The following KCNB2 variants were observed in gnomAD, a reference collection of about 807,000 sequenced individuals.
KCNB2 encodes delayed rectifier potassium channel protein.
In KCNB2, 15 loss-of-function variants were observed where a neutral mutation model predicts 61.5. The ratio of observed to expected loss-of-function variants is 0.24; its 90% confidence interval spans 0.16 to 0.38. The LOEUF (loss-of-function observed/expected upper bound fraction) is 0.38. Among genes scored for constraint, KCNB2 ranks in the 10% least tolerant of loss-of-function variants. The probability of loss-of-function intolerance (pLI) is 1.00; values close to 1 mark genes in which losing one functional copy is unlikely to be tolerated. For synonymous variants in KCNB2, 457 were observed against 446.0 expected (o/e 1.02, Z -0.31); for missense variants, 828 against 1,125.2 (o/e 0.74, Z 3.78).
intron 2 of KCNB2, among the ~76,000 whole-genome samples, chr8:72,708,081 G>A (rs958811160): frequency 3.3e-5 from 5 of 152,142 alleles, no homozygotes; most frequent in Admixed American, 3.3e-4. Flanking sequence ...TGACACCATA[G>A]CCCACTGCAG....
intron 2 of KCNB2, among the ~76,000 whole-genome samples, chr8:72,586,567 A>G (rs1807003930): frequency 6.6e-6 from 1 of 152,226 alleles, no homozygotes; most frequent in Admixed American, 6.5e-5. Context: ...TGTCTGGGAA[A>G]CAGACAAGCA....
At chr8:72,579,454 A>G (rs1231589873) in intron 2 of KCNB2, among the ~76,000 whole-genome samples, 1 of 152,178 alleles carries the variant, frequency 6.6e-6, no homozygotes, top group Non-Finnish European at 1.5e-5. Flanking sequence ...TTTATCCTAA[A>G]GCATCGGAGG....
intron 2 of KCNB2, among the ~76,000 whole-genome samples, chr8:72,614,835 C>T (rs948880585): frequency 1.3e-5 from 2 of 152,192 alleles, no homozygotes; most frequent in African/African-American, 4.8e-5. Context: ...TCCTTGGAGA[C>T]TCAGAGATGC....
chr8:72,926,675 G>T (rs935589293), intron 2 of KCNB2, among the ~76,000 whole-genome samples: 15 of 152,042 alleles, frequency 9.9e-5, no homozygotes, highest in African/African-American at 3.6e-4. Context: ...AGATTTGTTG[G>T]AGCTACTCAA....
intron 2 of KCNB2, among the ~76,000 whole-genome samples, chr8:72,763,993 G>A (rs1195356813): frequency 2.0e-5 from 3 of 152,062 alleles, no homozygotes; most frequent in Non-Finnish European, 4.4e-5. Flanking sequence ...TCTTGTTCAG[G>A]AATTACAAGT....
intron 2 of KCNB2, among the ~76,000 whole-genome samples, chr8:72,583,010 A>T (rs1806931394): frequency 1.3e-5 from 2 of 152,172 alleles, no homozygotes; most frequent in Admixed American, 1.3e-4. Context: ...TAATAATGGT[A>T]TCAGCTTAGG....
At position 72,537,338 on chromosome 8, in the gene KCNB2, A is replaced by G; in HGVS notation, c.-641A>G. On this transcript the variant is annotated 5_prime_UTR_variant, in exon 1 of 3. Coordinates refer to ENST00000523207, the MANE Select transcript of KCNB2 (RefSeq NM_004770.3). ...CTACCCTGCTCCGCCACAGACACACACCCACCAAGCACCCACCGCCCTCCG... is the reference window on the plus strand; with the variant it reads ...CTACCCTGCTCCGCCACAGACACACGCCCACCAAGCACCCACCGCCCTCCG... 6.6e-6 allele frequency: 1 copy of G among 150,924 alleles called. No homozygotes were observed. The highest frequency in any genetic ancestry group is 1.8e-4 in the South Asian group (1 of 5,548). 9.3% of individuals were successfully genotyped at this position (150,924 alleles called of 1,614,324 possible).
intron 2 of KCNB2, among the ~76,000 whole-genome samples, chr8:72,654,345 T>G (rs1454533864): frequency 1.3e-5 from 2 of 152,188 alleles, no homozygotes; most frequent in African/African-American, 2.4e-5. Flanking sequence ...AGCATTATCT[T>G]ACATTTTAGC....
chr8:72,915,203 T>C (rs1205854897), intron 2 of KCNB2, among the ~76,000 whole-genome samples: 5 of 152,188 alleles, frequency 3.3e-5, no homozygotes, highest in Admixed American at 6.5e-5. Flanking sequence ...ATTACAGGCA[T>C]GAGCCACTGC....
chr8:72,580,318 C>A (rs1806871458), intron 2 of KCNB2, among the ~76,000 whole-genome samples: 1 of 152,138 alleles, frequency 6.6e-6, no homozygotes, highest in Non-Finnish European at 1.5e-5. Context: ...AGAGTTGAAA[C>A]CCAGAAATAT....
chr8:72,725,510 C>CATATATAT lies in KCNB2; in HGVS notation c.579+157220_579+157227dup, dbSNP rs774224955. Among the ~76,000 whole-genome samples, 15 of 58,910 alleles carry CATATATAT rather than the reference C, an allele frequency of 2.5e-4. No individual in the cohort carries two copies. The South Asian group carries it at 2.9e-3, about 11-fold the overall frequency. The allele number at this position is 58,910 out of a possible 152,430, so 38.6% of individuals were successfully genotyped here. ...ATATTTGGCTTGCTTTCTTTGTCTT[C>CATATATAT]ATATATATATATATATATATATATA... On this transcript the variant is annotated intron_variant, in intron 2 of 2. Coordinates refer to ENST00000523207, the MANE Select transcript of KCNB2 (RefSeq NM_004770.3).
chr8:72,584,386 A>T (rs1297153447), intron 2 of KCNB2, among the ~76,000 whole-genome samples: 1 of 152,138 alleles, frequency 6.6e-6, no homozygotes, highest in Non-Finnish European at 1.5e-5. Flanking sequence ...GACACTCCTA[A>T]TGGCCTTTTC....
intron 2 of KCNB2, among the ~76,000 whole-genome samples, chr8:72,884,214 C>G (rs1805765954): frequency 6.6e-6 from 1 of 152,152 alleles, no homozygotes; most frequent in Non-Finnish European, 1.5e-5. Context: ...ACGGGCATTT[C>G]TCACACCATA....
At chr8:72,764,633 C>T (rs1316215058) in intron 2 of KCNB2, among the ~76,000 whole-genome samples, 1 of 152,164 alleles carries the variant, frequency 6.6e-6, no homozygotes, top group African/African-American at 2.4e-5. Context: ...AGTAAGGCCC[C>T]TTGTTTTGAC....
chr8:72,752,597 C>T (rs1808210786), intron 2 of KCNB2, among the ~76,000 whole-genome samples: 1 of 152,168 alleles, frequency 6.6e-6, no homozygotes, highest in African/African-American at 2.4e-5. Context: ...GGAAGTACAC[C>T]ACCAGCTTTC....
rs561108713 is a variant in KCNB2, at chr8:72,760,721, C to T, written c.580-175214C>T. Among the ~76,000 whole-genome samples, 3 of 152,312 alleles carry T rather than the reference C, an allele frequency of 2.0e-5. No homozygotes were observed. The South Asian group carries it at 6.2e-4, about 32-fold the overall frequency. On this transcript the variant is annotated intron_variant, in intron 2 of 2. Transcript: ENST00000523207. The stretch of plus-strand genomic sequence containing the variant: ...CTCAGTTAGCAGCATATACTAAGTA[C>T]AGCCTCATATTTACCTACTAAGATT...
chr8:72,839,528 A>G (rs1281237134), intron 2 of KCNB2, among the ~76,000 whole-genome samples: 1 of 150,574 alleles, frequency 6.6e-6, no homozygotes, highest in African/African-American at 2.5e-5. Flanking sequence ...TAGAATATGC[A>G]TTTCACTCCA....
rs10561095 is a variant in KCNB2, at chr8:72,839,599, C to CTTTTTT, written c.580-96310_580-96305dup. On this transcript the variant is annotated intron_variant, in intron 2 of 2. Transcript: ENST00000523207. ...CCTTGAGCTAAACTTTGAAAGGCTT[C>CTTTTTT]TTTTTTTTTTTTTTTTTTTTTTTTT... Among the ~76,000 whole-genome samples, 136 of 87,654 alleles carry CTTTTTT rather than the reference C, an allele frequency of 1.6e-3. 12 individuals are homozygous for CTTTTTT. The highest frequency in any genetic ancestry group is 5.8e-3 in the African/African-American group (119 of 20,438). 57.5% of individuals were successfully genotyped at this position (87,654 alleles called of 152,430 possible). A position where few individuals can be genotyped will look rare whatever the true frequency, so the allele number is the denominator to read the frequency against.
In KCNB2 at chr8:72,539,086, T is replaced by A. The variant is rs554715736; in HGVS notation, c.-94+1201T>A. 6.6e-5 allele frequency among the ~76,000 whole-genome samples: 10 copies of A among 152,170 alleles called. No individual in the cohort carries two copies. The South Asian group carries it at 1.9e-3, about 28-fold the overall frequency. On this transcript the variant is annotated intron_variant, in intron 1 of 2. Coordinates refer to ENST00000523207, the MANE Select transcript of KCNB2 (RefSeq NM_004770.3). ...CTCTTTAGGGGCATGTGTGTGTGTG[T>A]GTCAATAAATATAAAGTTGTCCAAA...
Sources: allele counts gnomAD v4.1 joint callset (sites outside exome capture counted in the v4.1 genomes callset), GRCh38; gene constraint gnomAD v4.1.1; transcripts MANE v1.5; gene names NCBI Gene and HGNC (gene_info 2026-07-23, HGNC 2026-07-21).